Variants in ANKRD11 observed in about 807,000 individuals in gnomAD.
ANKRD11 encodes the protein ankyrin repeat domain 11.
ANKRD11 carries 17 observed loss-of-function variants against 195.7 expected under a neutral mutation model. The ratio of observed to expected loss-of-function variants is 0.09; its 90% CI spans 0.06 to 0.13. The LOEUF (loss-of-function observed/expected upper bound fraction) is 0.13. Among genes scored for constraint, ANKRD11 ranks in the 10% least tolerant of loss-of-function variants. The pLI, the probability that ANKRD11 is intolerant of heterozygous loss-of-function variation, is 1.00. For missense variants in ANKRD11, 3,735 were observed against 3,566.1 expected (o/e 1.05, Z -1.21); for synonymous variants, 1,953 against 1,528.1 (o/e 1.28, Z -6.49).
chr16:89,298,692 A>G (rs1020164371), intron 4 of ANKRD11, among the ~76,000 whole-genome samples: 9 of 152,146 alleles, frequency 5.9e-5, no homozygotes, highest in African/African-American at 2.2e-4. Context: ...TACCGGCCTA[A>G]GTGCACTTCT....
intron 2 of ANKRD11, among the ~76,000 whole-genome samples, chr16:89,402,106 T>G (rs939988926): frequency 1.3e-5 from 2 of 152,184 alleles, no homozygotes; most frequent in Admixed American, 1.3e-4. Context: ...TCCATGGACC[T>G]CTTTAATGGA....
chr16:89,416,577 C>T (rs2042319159), intron 2 of ANKRD11, among the ~76,000 whole-genome samples: 2 of 151,976 alleles, frequency 1.3e-5, no homozygotes, highest in African/African-American at 2.4e-5. Flanking sequence ...GGATTACAGG[C>T]GTGAGCCACT....
chr16:89,439,799 G>A (rs956868893), intron 1 of ANKRD11, among the ~76,000 whole-genome samples: 1 of 152,152 alleles, frequency 6.6e-6, no homozygotes, highest in Non-Finnish European at 1.5e-5. Flanking sequence ...TCAGAACTCT[G>A]TGGAACGTTT....
intron 2 of ANKRD11, among the ~76,000 whole-genome samples, chr16:89,390,127 G>A (rs1363791383): frequency 3.0e-5 from 2 of 67,320 alleles, no homozygotes; most frequent in African/African-American, 2.0e-4. Flanking sequence ...CGAGTGTGGC[G>A]TGGAGCACAG....
At chr16:89,313,413 A>C in intron 3 of ANKRD11, 1 of 1,288,846 alleles carries the variant, frequency 7.8e-7, no homozygotes, top group African/African-American at 1.5e-5. Context: ...ATGGTGAGAG[A>C]CCGTCTGCAG....
Position 89,477,493 on chromosome 16 carries a change from T to C in ANKRD11, c.-145+12752A>G, listed in dbSNP as rs749157736. On this transcript the variant is annotated intron_variant, in intron 1 of 12. Transcript: ENST00000301030. ...GCCTCACCCTCCCGAGTAGCTGAGA[T>C]TACAGGCGCCTGCCACCACGCCCAG... Among the ~76,000 whole-genome samples, 7 of 152,032 alleles carry C rather than the reference T, an allele frequency of 4.6e-5. No individual in the cohort carries two copies. The East Asian group carries it at 5.9e-4, about 13-fold the overall frequency.
At chr16:89,348,977 A>C (rs2152023003) in intron 2 of ANKRD11, among the ~76,000 whole-genome samples, 1 of 151,182 alleles carries the variant, frequency 6.6e-6, no homozygotes, top group African/African-American at 2.4e-5. Flanking sequence ...AAAATACAAA[A>C]ACTAGCCAGG....
intron 3 of ANKRD11, among the ~76,000 whole-genome samples, chr16:89,309,643 G>A (rs1253612021): frequency 6.6e-6 from 1 of 152,234 alleles, no homozygotes; most frequent in African/African-American, 2.4e-5. Context: ...CAGCCACCAG[G>A]AAGGCGGCTC....
At chr16:89,428,766 C>T (rs534796153) in intron 1 of ANKRD11, among the ~76,000 whole-genome samples, 4 of 151,892 alleles carry the variant, frequency 2.6e-5, no homozygotes, top group African/African-American at 9.7e-5. Context: ...TGGTGGCAGG[C>T]GCCTGTAGTC....
chr16:89,332,698 C>T (rs2038130178), intron 2 of ANKRD11, among the ~76,000 whole-genome samples: 1 of 152,206 alleles, frequency 6.6e-6, no homozygotes, highest in Non-Finnish European at 1.5e-5. Flanking sequence ...GCAGGGCTCT[C>T]CTCCGGCAGG....
intron 1 of ANKRD11, among the ~76,000 whole-genome samples, chr16:89,462,843 G>A (rs555529850): frequency 1.7e-3 from 252 of 150,546 alleles, no homozygotes; most frequent in African/African-American, 5.5e-3. Context: ...CAGCCACCCC[G>A]TCTGGGAAGT....
At chr16:89,323,174 C>A in intron 2 of ANKRD11, 1 of 517,988 alleles carries the variant, frequency 1.9e-6, no homozygotes, top group Non-Finnish European at 3.2e-6. Flanking sequence ...AGGAGTGGTG[C>A]CTTGTGCACA....
chr16:89,294,427 G>A (rs1481508669), intron 4 of ANKRD11, among the ~76,000 whole-genome samples: 1 of 152,066 alleles, frequency 6.6e-6, no homozygotes, highest in African/African-American at 2.4e-5. Context: ...GATCTCCCAG[G>A]ATGCCAATCT....
At chr16:89,286,769 T>C (rs1476847507) in intron 7 of ANKRD11, 1 of 1,287,138 alleles carries the variant, frequency 7.8e-7, no homozygotes, top group African/African-American at 1.5e-5. Context: ...GAGACAACCA[T>C]GGTGACACAG....
At chr16:89,417,265 G>A (rs180996455) in intron 2 of ANKRD11, among the ~76,000 whole-genome samples, 27 of 152,324 alleles carry the variant, frequency 1.8e-4, no homozygotes, top group Middle Eastern at 3.4e-3. Context: ...GTTCTTTCAC[G>A]TTTGCTGGGA....
chr16:89,479,408 G>C (rs1050904176), intron 1 of ANKRD11, among the ~76,000 whole-genome samples: 3 of 151,780 alleles, frequency 2.0e-5, no homozygotes, highest in Non-Finnish European at 4.4e-5. Flanking sequence ...CGAGGCAGGC[G>C]GATCATCTGA....
intron 2 of ANKRD11, among the ~76,000 whole-genome samples, chr16:89,330,564 G>A (rs2037997217): frequency 1.3e-5 from 2 of 151,416 alleles, no homozygotes; most frequent in Non-Finnish European, 2.9e-5. Context: ...TGGTGTGGGG[G>A]GGAGCCACGG....
chr16:89,441,722 G>A (rs529272502), intron 1 of ANKRD11, among the ~76,000 whole-genome samples: 55 of 128,758 alleles, frequency 4.3e-4, no homozygotes, highest in Admixed American at 2.4e-3. Flanking sequence ...AGCCAAGATC[G>A]TGCCACTGCA....
chr16:89,299,599 T>C, intron 4 of ANKRD11: 1 of 180,126 alleles, frequency 5.6e-6, no homozygotes, highest in Non-Finnish European at 1.1e-5. Context: ...GTGCCCTGTG[T>C]GGGGTGCCTG....
Sources: gnomAD v4.1 joint callset for allele counts (sites outside exome capture counted in the v4.1 genomes callset) on GRCh38, gnomAD v4.1.1 for gene constraint, MANE v1.5 for transcripts, NCBI Gene and HGNC (gene_info 2026-07-23, HGNC 2026-07-21) for gene names.